The following KRT86 variants were observed in gnomAD, a reference collection of about 807,000 sequenced individuals.
KRT86 encodes the protein keratin 86.
KRT86 carries 30 observed loss-of-function variants against 41.2 expected under a neutral mutation model. The ratio of observed to expected loss-of-function variants is 0.73; its 90% CI spans 0.54 to 0.99. The LOEUF is 0.99. KRT86 is among the 50% of genes least tolerant of loss of function. The probability of loss-of-function intolerance (pLI) is 0.00; values close to 1 mark genes in which losing one functional copy is unlikely to be tolerated. For synonymous variants in KRT86, 238 were observed against 238.1 expected (o/e 1.00, Z 0.00); for missense variants, 561 against 571.4 (o/e 0.98, Z 0.19).
chr12:52,286,115 A>T (rs1243751870), intron 2 of KRT86: 1 of 758,324 alleles, frequency 1.3e-6, no homozygotes, highest in African/African-American at 1.7e-5. Flanking sequence ...TCACACAGAG[A>T]AATGTGAGGC....
chr12:52,307,469 G>T (rs1938543545), intron 9 of KRT86, among the ~76,000 whole-genome samples: 1 of 152,222 alleles, frequency 6.6e-6, no homozygotes, highest in Admixed American at 6.5e-5. Flanking sequence ...ATCTGAAGCT[G>T]ATTTAACCAA....
intron 2 of KRT86, among the ~76,000 whole-genome samples, chr12:52,301,604 T>G (rs1267361761): frequency 6.6e-6 from 1 of 152,096 alleles, no homozygotes; most frequent in Non-Finnish European, 1.5e-5. Flanking sequence ...CTCAACTGTG[T>G]ATTGGGAGGT....
At chr12:52,287,816 C>A in intron 2 of KRT86, 1 of 1,610,212 alleles carries the variant, frequency 6.2e-7, no homozygotes, top group Non-Finnish European at 8.5e-7. Context: ...AGTGCTCAGC[C>A]TGTGCAGCCA....
chr12:52,276,610 T>A (rs1942564147), intron 2 of KRT86, among the ~76,000 whole-genome samples: 1 of 152,192 alleles, frequency 6.6e-6, no homozygotes, highest in Non-Finnish European at 1.5e-5. Flanking sequence ...GTGCTGGTGA[T>A]TTCAGGAAAT....
rs1391561977 is a variant in KRT86, at chr12:52,288,031, T to C, written c.-5+12085T>C. Reference sequence around the variant, plus strand: ...GCCTCGGCCCGGCTGCGGGTGACAATGTCGTCATACTGTGCCTTAATCTCG... The same window carrying C: ...GCCTCGGCCCGGCTGCGGGTGACAACGTCGTCATACTGTGCCTTAATCTCG... On this transcript the variant is annotated intron_variant, in intron 2 of 10. Transcript: ENST00000423955. 1 of 1,614,206 alleles carries C rather than the reference T, an allele frequency of 6.2e-7. No individual in the cohort carries two copies. The highest frequency in any genetic ancestry group is 2.2e-5 in the East Asian group (1 of 44,886).
At chr12:52,283,773 C>G (rs957939810) in intron 2 of KRT86, among the ~76,000 whole-genome samples, 9 of 152,234 alleles carry the variant, frequency 5.9e-5, no homozygotes, top group Non-Finnish European at 1.3e-4. Context: ...AGCCACCACG[C>G]CCAGCCCCAA....
At position 52,308,428 on chromosome 12, in the gene KRT86, T is replaced by C; in HGVS notation, c.1304T>C (p.Val435Ala). The change falls in exon 11 of 11, where the codon GTT becomes GCT. Residue 435 changes from valine to alanine, a missense_variant. Physicochemically the swap from Val to Ala is moderately conservative, Grantham distance 64. Coordinates refer to ENST00000423955, the MANE Select transcript of KRT86 (RefSeq NM_001320198.2). ...NVCVSSSRGG[V>A]VCGDLCASTT... ...GGCGTCAGCAGCTCCCGCGGTGGCG[T>C]TGTCTGTGGCGATCTCTGCGCCTCC... 8 of 1,611,966 alleles carry C rather than the reference T, an allele frequency of 5.0e-6. No homozygotes were observed. Among genetic ancestry groups the C allele is most frequent in the Non-Finnish European group, 6.8e-6 (8 of 1,179,698 alleles).
At chr12:52,291,641 G>A (rs1175364672) in intron 2 of KRT86, 4 of 914,810 alleles carry the variant, frequency 4.4e-6, no homozygotes, top group African/African-American at 1.7e-5. Flanking sequence ...GTGGTTAGCC[G>A]GGTCTAACGC....
At position 52,308,683 on chromosome 12, in the gene KRT86, C is replaced by A; in HGVS notation, c.*98C>A. ...GCCGCCCGCGCCGGCCTCCCAATAG[C>A]CGCCGCCCGCTGCCTGCACTCTAAG... On this transcript the variant is annotated 3_prime_UTR_variant, in exon 11 of 11. Transcript: ENST00000423955. 1.7e-6 allele frequency: 2 copies of A among 1,168,600 alleles called. No individual in the cohort carries two copies. The highest frequency in any genetic ancestry group is 2.4e-6 in the Non-Finnish European group (2 of 816,990). 72.4% of individuals were successfully genotyped at this position (1,168,600 alleles called of 1,614,324 possible).
rs767890953 is a variant in KRT86, at chr12:52,286,479, G to A, written c.-5+10533G>A. ...AGGTCCCCGCACACGACCCCGCCCC[G>A]GGAGCTGCTGACACCTGTGAACCCC... On this transcript the variant is annotated intron_variant, in intron 2 of 10. Coordinates refer to ENST00000423955, the MANE Select transcript of KRT86 (RefSeq NM_001320198.2). 1.5e-5 allele frequency: 23 copies of A among 1,552,334 alleles called. No homozygotes were observed. The highest frequency in any genetic ancestry group is 3.6e-4 in the Middle Eastern group (2 of 5,578).
chr12:52,283,060 C>T (rs78297644), intron 2 of KRT86, among the ~76,000 whole-genome samples: 2,947 of 152,264 alleles, frequency 0.019, 108 homozygotes, highest in African/African-American at 0.067. Flanking sequence ...CTGGACTCCC[C>T]ATTTCCCTCT....
intron 2 of KRT86, among the ~76,000 whole-genome samples, chr12:52,300,185 T>C (rs114460875): frequency 0.013 from 2,033 of 152,310 alleles, 52 homozygotes; most frequent in African/African-American, 0.047. Context: ...TTTTACATGG[T>C]GACTGAGTAT....
Position 52,285,521 on chromosome 12 carries a change from T to C in KRT86, c.-5+9575T>C, listed in dbSNP as rs374566346. ...CCTCAAGCTTTGAGTGATTGGTGAA[T>C]CTGATTTTCATGATCCATCAGTTTG... is the stretch of plus-strand genomic sequence containing the variant. On this transcript the variant is annotated intron_variant, in intron 2 of 10. Coordinates refer to ENST00000423955, the MANE Select transcript of KRT86 (RefSeq NM_001320198.2). Among the ~76,000 whole-genome samples, 82 of 152,322 alleles carry C rather than the reference T, an allele frequency of 5.4e-4. 1 individual carries two copies. In the South Asian group the frequency reaches 0.016, roughly 30 times the overall value.
At chr12:52,291,460 G>A (rs1193582034) in intron 2 of KRT86, 1 of 1,612,878 alleles carries the variant, frequency 6.2e-7, no homozygotes, top group Non-Finnish European at 8.5e-7. Context: ...CTGATCCGCA[G>A]GTCATGATCC....
rs773592999 is a variant in KRT86 at position 52,288,015 on chromosome 12, C to T, written c.-5+12069C>T. ...GCGGTACCAGGACTCGGCCTCGGCC[C>T]GGCTGCGGGTGACAATGTCGTCATA... is the stretch of plus-strand genomic sequence containing the variant. On this transcript the variant is annotated intron_variant, in intron 2 of 10. Coordinates refer to ENST00000423955, the MANE Select transcript of KRT86 (RefSeq NM_001320198.2). 7.9e-5 allele frequency: 127 copies of T among 1,614,214 alleles called. No individual in the cohort carries two copies. The highest frequency in any genetic ancestry group is 1.3e-4 in the East Asian group (6 of 44,884).
chr12:52,308,201 C>G, intron 9 of KRT86, 32 bp from the exon 10 acceptor site: 1 of 1,614,076 alleles, frequency 6.2e-7, no homozygotes, highest in South Asian at 1.1e-5. Flanking sequence ...GCCTTTTCCG[C>G]GGCACTGACC....
chr12:52,306,328 G>C (rs550752228), intron 9 of KRT86, 48 bp downstream of exon 9: 2 of 1,612,442 alleles, frequency 1.2e-6, no homozygotes, highest in African/African-American at 2.7e-5. Flanking sequence ...AGGGTTCTCA[G>C]TGTGCTCTGT....
In KRT86 at chr12:52,305,377, T is replaced by G. The variant is rs190756867; in HGVS notation, c.873T>G (p.Ala291=). ...ATGACATTGTCACCCGTAGCCGGGC[T>G]GAGGCCGAGTCCTGGTACCGCAGCA... The part of the protein sequence containing the change: ...QYDDIVTRSR[A]EAESWYRSKC... Residue 291 remains alanine (A), a synonymous_variant, in exon 7 of 11, where the codon GCT becomes GCG. Coordinates refer to ENST00000423955, the MANE Select transcript of KRT86 (RefSeq NM_001320198.2). The G allele has an allele frequency of 1.5e-5, 25 of 1,614,118 alleles. No homozygotes were observed. The highest frequency in any genetic ancestry group is 1.9e-5 in the Non-Finnish European group (22 of 1,180,044).
At chr12:52,291,396 G>A (rs549397349) in intron 2 of KRT86, 1 of 1,609,348 alleles carries the variant, frequency 6.2e-7, no homozygotes, top group African/African-American at 1.3e-5. Flanking sequence ...ATGCAGCAGC[G>A]GCCGGGCCGC....
Sources: allele counts gnomAD v4.1 joint callset (sites outside exome capture counted in the v4.1 genomes callset), GRCh38; gene constraint gnomAD v4.1.1; transcripts MANE v1.5; gene names NCBI Gene and HGNC (gene_info 2026-07-23, HGNC 2026-07-21).